PLXDC2: variants seen among roughly 807,000 people sequenced by gnomAD.
PLXDC2 encodes the protein plexin domain-containing protein 2.
In PLXDC2, 40 loss-of-function variants were observed where a neutral mutation model predicts 68.9. The ratio of observed to expected loss-of-function variants is 0.58; its 90% CI spans 0.45 to 0.76. The LOEUF (loss-of-function observed/expected upper bound fraction) is 0.76, where lower values mean the gene tolerates loss of function less well. Among genes scored for constraint, PLXDC2 ranks in the 30% least tolerant of loss-of-function variants. PLXDC2 has a pLI of 0.00. For missense variants in PLXDC2, 644 were observed against 661.9 expected (o/e 0.97, Z 0.30); for synonymous variants, 243 against 234.2 (o/e 1.04, Z -0.34).
At chr10:20,062,649 G>A (rs899540018) in intron 3 of PLXDC2, among the ~76,000 whole-genome samples, 37 of 152,030 alleles carry the variant, frequency 2.4e-4, no homozygotes, top group African/African-American at 8.9e-4. Context: ...GTTTTATGAT[G>A]AGTAAAGGAG....
At chr10:19,887,185 G>A (rs1837862558) in intron 1 of PLXDC2, among the ~76,000 whole-genome samples, 1 of 152,122 alleles carries the variant, frequency 6.6e-6, no homozygotes, top group African/African-American at 2.4e-5. Context: ...GTATGGATCA[G>A]TTATTCATTA....
intron 11 of PLXDC2, among the ~76,000 whole-genome samples, 187 bp downstream of exon 11, chr10:20,217,763 A>G (rs748462861): frequency 6.6e-5 from 10 of 151,978 alleles, no homozygotes; most frequent in Non-Finnish European, 1.5e-4. Context: ...ATTATGAACT[A>G]AAAGTAAATG....
At chr10:19,846,853 A>T (rs1837018551) in intron 1 of PLXDC2, among the ~76,000 whole-genome samples, 1 of 152,150 alleles carries the variant, frequency 6.6e-6, no homozygotes, top group South Asian at 2.1e-4. Context: ...ATTTATAAAG[A>T]AACAGAGGTT....
intron 1 of PLXDC2, among the ~76,000 whole-genome samples, chr10:19,940,820 T>C (rs6482071): frequency 0.91 from 138,782 of 152,160 alleles, 63,448 homozygotes; most frequent in South Asian, 0.97. Flanking sequence ...CTAATTGTAC[T>C]TGTAAATGTT....
At chr10:20,205,394 C>T (rs79667007) in intron 9 of PLXDC2, among the ~76,000 whole-genome samples, 1 of 152,102 alleles carries the variant, frequency 6.6e-6, no homozygotes, top group East Asian at 1.9e-4. Context: ...TAGGAGTTCA[C>T]ATTTTGTTGA....
At chr10:20,096,137 G>A (rs1833346248) in intron 4 of PLXDC2, among the ~76,000 whole-genome samples, 1 of 152,098 alleles carries the variant, frequency 6.6e-6, no homozygotes, top group Non-Finnish European at 1.5e-5. Flanking sequence ...GCCTTAGCTG[G>A]AATAAAAGGA....
intron 4 of PLXDC2, among the ~76,000 whole-genome samples, chr10:20,095,344 G>A (rs557998428): frequency 1.3e-5 from 2 of 152,214 alleles, no homozygotes; most frequent in East Asian, 3.9e-4. Context: ...AATAAATTCA[G>A]AGGGATTCAT....
chr10:19,853,601 C>A (rs535168820), intron 1 of PLXDC2, among the ~76,000 whole-genome samples: 30 of 146,088 alleles, frequency 2.1e-4, no homozygotes, highest in African/African-American at 6.1e-4. Flanking sequence ...CTATCTCATT[C>A]AGGATCTCTA....
At chr10:19,874,652 C>T (rs77087900) in intron 1 of PLXDC2, among the ~76,000 whole-genome samples, 2 of 152,228 alleles carry the variant, frequency 1.3e-5, no homozygotes, top group South Asian at 2.1e-4. Context: ...TGCAGACAAG[C>T]GAATTTTCTT....
chr10:20,191,669 G>T (rs11011851), intron 9 of PLXDC2, among the ~76,000 whole-genome samples: 35,130 of 150,846 alleles, frequency 0.23, 5,044 homozygotes, highest in East Asian at 0.4. Flanking sequence ...GGTGGAGGGA[G>T]GGGGGAGGGA....
At chr10:19,947,757 A>G (rs1034460341) in intron 1 of PLXDC2, among the ~76,000 whole-genome samples, 7 of 89,088 alleles carry the variant, frequency 7.9e-5, no homozygotes. Flanking sequence ...TTAACAAGTT[A>G]TAACTTTTAC....
intron 9 of PLXDC2, among the ~76,000 whole-genome samples, chr10:20,184,114 T>C (rs1336493138): frequency 1.3e-5 from 2 of 151,864 alleles, no homozygotes; most frequent in Non-Finnish European, 2.9e-5. Flanking sequence ...GGAAAAAATA[T>C]GAGATGATGG....
At chr10:19,937,544 GTATATATATATATATATATA>G (rs71388881) in intron 1 of PLXDC2, among the ~76,000 whole-genome samples, 25 of 95,968 alleles carry the variant, frequency 2.6e-4, no homozygotes, top group Admixed American at 7.0e-4. Context: ...TATAGTCAAT[GTATATATATATATATATATA>G]TATATATATA....
chr10:20,153,063 A>C (rs10827973), intron 6 of PLXDC2, among the ~76,000 whole-genome samples: 42,997 of 151,970 alleles, frequency 0.28, 6,900 homozygotes, highest in East Asian at 0.51. Context: ...AATTTTTGCT[A>C]TGGACCTTTT....
intron 2 of PLXDC2, among the ~76,000 whole-genome samples, chr10:20,020,289 T>G (rs1378092630): frequency 2.0e-5 from 3 of 149,330 alleles, no homozygotes; most frequent in Non-Finnish European, 4.4e-5. Flanking sequence ...CAAAGCACCT[T>G]TTTATTAAAA....
rs1833397696 is a variant in PLXDC2 at position 19,917,913 on chromosome 10, A to G, written c.113-83862A>G. Among the ~76,000 whole-genome samples, 3 of 152,282 alleles carry G rather than the reference A, an allele frequency of 2.0e-5. No homozygotes were observed. The South Asian group carries it at 6.2e-4, about 32-fold the overall frequency. On this transcript the variant is annotated intron_variant, in intron 1 of 13. Coordinates refer to ENST00000377252, the MANE Select transcript of PLXDC2 (RefSeq NM_032812.9). The stretch of plus-strand genomic sequence containing the variant: ...TTCCTCATGTTAAGGCAGTGAACCT[A>G]TTTGCAAAGTTCACAGCACACACTC...
At chr10:20,229,994 T>C (rs1168504979) in intron 12 of PLXDC2, among the ~76,000 whole-genome samples, 2 of 152,172 alleles carry the variant, frequency 1.3e-5, no homozygotes, top group Admixed American at 1.3e-4. Context: ...CTAAGAAATA[T>C]TTGTTTAACC....
At chr10:19,875,110 A>G (rs2131346050) in intron 1 of PLXDC2, among the ~76,000 whole-genome samples, 1 of 152,336 alleles carries the variant, frequency 6.6e-6, no homozygotes, top group Non-Finnish European at 1.5e-5. Context: ...ATGCATGCAA[A>G]GCAGTTCGTA....
At chr10:20,137,779 G>A (rs1833952792) in intron 4 of PLXDC2, among the ~76,000 whole-genome samples, 1 of 152,216 alleles carries the variant, frequency 6.6e-6, no homozygotes, top group Non-Finnish European at 1.5e-5. Flanking sequence ...TTGTCTGTGT[G>A]GAGTTCGCAC....
Sources: gnomAD v4.1 joint callset for allele counts (sites outside exome capture counted in the v4.1 genomes callset) on GRCh38, gnomAD v4.1.1 for gene constraint, MANE v1.5 for transcripts, NCBI Gene and HGNC (gene_info 2026-07-23, HGNC 2026-07-21) for gene names.